KLF7: variants seen among roughly 807,000 people sequenced by gnomAD.
KLF7 encodes KLF transcription factor 7.
In KLF7, 2 loss-of-function variants were observed where a neutral mutation model predicts 27.3. The observed-to-expected ratio is 0.07, with a 90% CI of 0.03 to 0.23. The LOEUF (loss-of-function observed/expected upper bound fraction) is 0.23, where lower values mean the gene tolerates loss of function less well. KLF7 is among the 10% of genes least tolerant of loss of function. The pLI is 1.00. For missense variants in KLF7, 221 were observed against 394.1 expected, an observed-to-expected ratio of 0.56 and a Z score of 3.72; for synonymous variants, 165 against 162.4, an observed-to-expected ratio of 1.02 and a Z score of -0.12.
At chr2:207,081,329 CT>C in intron 3 of KLF7, 65 bp from the exon 4 acceptor site, 1 of 1,297,274 alleles carries the variant, frequency 7.7e-7, no homozygotes, top group Non-Finnish European at 1.1e-6. Context: ...TGCATCACTC[CT>C]TAGGAAATGA....
chr2:207,076,651 A>G lies in KLF7; in HGVS notation c.*4562T>C, dbSNP rs2076181122. 1 of 152,158 alleles carries G rather than the reference A, an allele frequency of 6.6e-6. No homozygotes were observed. Among genetic ancestry groups the G allele is most frequent in the South Asian group, 2.1e-4 (1 of 4,824 alleles). The allele number at this position is 152,158 out of a possible 1,614,324, so 9.4% of individuals were successfully genotyped here. A position where few individuals can be genotyped will look rare whatever the true frequency, so the allele number is the denominator to read the frequency against. ...TCCTTTCACACATTTCTGTTGTTCC[A>G]TCTCAAGTATTCCCAAAGATCCTCA... is the stretch of plus-strand genomic sequence containing the variant. On this transcript the variant is annotated 3_prime_UTR_variant, in exon 4 of 4. Transcript: ENST00000309446.
chr2:207,154,633 TGAGA>T (rs1005420453), intron 1 of KLF7, among the ~76,000 whole-genome samples: 8 of 152,130 alleles, frequency 5.3e-5, no homozygotes, highest in African/African-American at 1.9e-4. Context: ...AAGACACCAC[TGAGA>T]GAAAGAGCAT....
intron 2 of KLF7, among the ~76,000 whole-genome samples, chr2:207,098,828 C>G (rs1356201707): frequency 7.4e-6 from 1 of 135,360 alleles, no homozygotes; most frequent in Non-Finnish European, 1.5e-5. Context: ...CAATGCTGCA[C>G]AGGCCGGTCT....
chr2:207,108,003 A>T (rs531562519), intron 2 of KLF7, among the ~76,000 whole-genome samples: 184 of 152,306 alleles, frequency 1.2e-3, no homozygotes, highest in African/African-American at 3.9e-3. Context: ...ACAGATTTTT[A>T]AAAAAATGCT....
upstream of KLF7, among the ~76,000 whole-genome samples, chr2:207,168,033 CT>C (rs1170712848): frequency 1.3e-5 from 2 of 152,118 alleles, no homozygotes; most frequent in Non-Finnish European, 2.9e-5. Flanking sequence ...ATGCTCTCCC[CT>C]GACCCCCATG....
intron 2 of KLF7, among the ~76,000 whole-genome samples, chr2:207,116,283 T>C (rs2077184057): frequency 6.6e-6 from 1 of 152,218 alleles, no homozygotes; most frequent in African/African-American, 2.4e-5. Flanking sequence ...TCAACTGTAA[T>C]TTCTACTACA....
At chr2:207,125,089 G>A (rs1306707938) in intron 1 of KLF7, among the ~76,000 whole-genome samples, 1 of 152,158 alleles carries the variant, frequency 6.6e-6, no homozygotes, top group African/African-American at 2.4e-5. Flanking sequence ...TTGTGGCAAG[G>A]GGCATAAATC....
chr2:207,085,087 C>T (rs1002276055), intron 3 of KLF7, among the ~76,000 whole-genome samples: 2 of 145,506 alleles, frequency 1.4e-5, no homozygotes, highest in South Asian at 2.3e-4. Flanking sequence ...GCCTGAACCC[C>T]GGAGGCAGAG....
chr2:207,167,010 C>T, upstream of KLF7: 1 of 855,340 alleles, frequency 1.2e-6, no homozygotes, highest in South Asian at 4.5e-5. Flanking sequence ...GGGAGTCCGG[C>T]GGCTAGAGTT....
rs1030290389 is a variant in KLF7, at chr2:207,122,272, T to C, written c.733+1502A>G. ...GTCTCTATGCCTGAGCCACGGGATATAAACATTATGTTAGGAGACCGTCCC... is the reference window on the plus strand; with the variant it reads ...GTCTCTATGCCTGAGCCACGGGATACAAACATTATGTTAGGAGACCGTCCC... On this transcript the variant is annotated intron_variant, in intron 2 of 3. Transcript: ENST00000309446. 4.6e-5 allele frequency among the ~76,000 whole-genome samples: 7 copies of C among 152,050 alleles called. No homozygotes were observed. The East Asian group carries it at 5.8e-4, about 13-fold the overall frequency.
At chr2:207,123,671 A>C in intron 2 of KLF7, 103 bp downstream of exon 2, 1 of 1,301,834 alleles carries the variant, frequency 7.7e-7, no homozygotes, top group East Asian at 2.3e-5. Flanking sequence ...TCACCTCCTC[A>C]TCAGCAGGGG....
chr2:207,081,978 T>C (rs1358080313), intron 3 of KLF7, among the ~76,000 whole-genome samples: 1 of 151,914 alleles, frequency 6.6e-6, no homozygotes, highest in Non-Finnish European at 1.5e-5. Flanking sequence ...ATGGTAAGTA[T>C]TCTCACGCTT....
At position 207,081,061 on chromosome 2, in the gene KLF7, A is replaced by ATGTATG; in HGVS notation, c.*151_*152insCATACA. 1.5e-6 allele frequency: 1 copy of ATGTATG among 670,630 alleles called. No individual in the cohort carries two copies. Among genetic ancestry groups the ATGTATG allele is most frequent in the South Asian group, 1.7e-5 (1 of 57,206 alleles). The allele number at this position is 670,630 out of a possible 1,614,324, so 41.5% of individuals were successfully genotyped here. A position where few individuals can be genotyped will look rare whatever the true frequency, so the allele number is the denominator to read the frequency against. On this transcript the variant is annotated 3_prime_UTR_variant, in exon 4 of 4. Transcript: ENST00000309446. ...TGTGTGGGTCTGTGAGTGTGTGTAT[A>ATGTATG]TGTGTGTGTGTGTGTGTGTGTGTAC...
chr2:207,143,722 C>T (rs1379338003), intron 1 of KLF7, among the ~76,000 whole-genome samples: 1 of 152,230 alleles, frequency 6.6e-6, no homozygotes, highest in Non-Finnish European at 1.5e-5. Context: ...AGATTCAACG[C>T]AGGCGCCTTC....
intron 2 of KLF7, among the ~76,000 whole-genome samples, chr2:207,093,564 T>C (rs1312561648): frequency 6.6e-6 from 1 of 152,260 alleles, no homozygotes; most frequent in Admixed American, 6.5e-5. Context: ...ACTTTCTCCA[T>C]AGCACTTAAT....
chr2:207,092,100 C>T (rs2076525668), intron 2 of KLF7, among the ~76,000 whole-genome samples: 1 of 152,210 alleles, frequency 6.6e-6, no homozygotes, highest in South Asian at 2.1e-4. Flanking sequence ...CCTTCCTCCA[C>T]TCCAGATACT....
chr2:207,168,631 A>G (rs1443319507), upstream of KLF7, among the ~76,000 whole-genome samples: 1 of 152,222 alleles, frequency 6.6e-6, no homozygotes, highest in Non-Finnish European at 1.5e-5. Flanking sequence ...CTATGTAACT[A>G]TCAGCCGTCT....
rs546167709 is a variant in KLF7 at position 207,117,335 on chromosome 2, C to T, written c.733+6439G>A. 1.4e-4 allele frequency among the ~76,000 whole-genome samples: 21 copies of T among 152,334 alleles called. No individual in the cohort carries two copies. The South Asian group carries it at 2.5e-3, about 18-fold the overall frequency. On this transcript the variant is annotated intron_variant, in intron 2 of 3. Coordinates refer to ENST00000309446, the MANE Select transcript of KLF7 (RefSeq NM_003709.4). ...TTACTGAATCAGAAAATTCTCCCAG[C>T]GATTGTTTTTCACCACCTCATTTCA...
chr2:207,107,424 G>A (rs1336949614), intron 2 of KLF7, among the ~76,000 whole-genome samples: 1 of 152,168 alleles, frequency 6.6e-6, no homozygotes. Context: ...CCAATCTGAT[G>A]ATCTTCAGCG....
Sources: gnomAD v4.1 joint callset for allele counts (sites outside exome capture counted in the v4.1 genomes callset) on GRCh38, gnomAD v4.1.1 for gene constraint, MANE v1.5 for transcripts, NCBI Gene and HGNC (gene_info 2026-07-23, HGNC 2026-07-21) for gene names.